The following DVL1 variants were observed in gnomAD, a reference collection of about 807,000 sequenced individuals.
DVL1 encodes the protein segment polarity protein dishevelled homolog DVL-1.
DVL1 carries 49 observed loss-of-function variants against 65.0 expected under a neutral mutation model. The ratio of observed to expected loss-of-function variants is 0.75; its 90% CI spans 0.60 to 0.96. The LOEUF is 0.96. Among genes scored for constraint, DVL1 ranks in the 40% least tolerant of loss-of-function variants. The pLI is 0.00. For synonymous variants in DVL1, 608 were observed against 433.9 expected (o/e 1.40, Z -4.99); for missense variants, 1,197 against 1,045.4 (o/e 1.15, Z -2.00).
rs2100719036 is a variant in DVL1, at chr1:1,338,442, C to T, written c.1340-6G>A. On this transcript the variant is annotated splice_polypyrimidine_tract_variant and splice_region_variant and intron_variant, in intron 12 of 14. Coordinates refer to ENST00000378888, the MANE Select transcript of DVL1 (RefSeq NM_001330311.2). ...CCAGTCCACCACGTCCGCCCCTGGC[C>T]GGCACCAGCGGTCAGCCCGCAGCCT... 1 of 1,608,976 alleles carries T rather than the reference C, an allele frequency of 6.2e-7. No individual in the cohort carries two copies. The highest frequency in any genetic ancestry group is 8.5e-7 in the Non-Finnish European group (1 of 1,177,166).
intron 4 of DVL1, 113 bp downstream of exon 4, chr1:1,341,940 C>T (rs1381143909): frequency 1.4e-5 from 20 of 1,455,164 alleles, no homozygotes; most frequent in Non-Finnish European, 1.7e-5. Flanking sequence ...GCCTGTGCCT[C>T]CACCCAAGCA....
rs780925170 is a variant in DVL1 at position 1,342,829 on chromosome 1, A to G, written c.171-71T>C. On this transcript the variant is annotated intron_variant, in intron 1 of 14. Coordinates refer to ENST00000378888, the MANE Select transcript of DVL1 (RefSeq NM_001330311.2). Reference sequence around the variant, plus strand: ...CTGCGGTTCTAGAGGTGAGGCCTGGAGAGCAGGCGCTCCTCCTGCCCACAC... The same window carrying G: ...CTGCGGTTCTAGAGGTGAGGCCTGGGGAGCAGGCGCTCCTCCTGCCCACAC... 65 of 1,470,906 alleles carry G rather than the reference A, an allele frequency of 4.4e-5. No homozygotes were observed. The Middle Eastern group carries it at 5.2e-4, about 12-fold the overall frequency. 91.1% of individuals were successfully genotyped at this position (1,470,906 alleles called of 1,614,324 possible).
chr1:1,345,454 T>C (rs973313053), intron 1 of DVL1, among the ~76,000 whole-genome samples: 5 of 152,144 alleles, frequency 3.3e-5, no homozygotes, highest in African/African-American at 1.2e-4. Context: ...GGGAGGGTGC[T>C]GGAGGCTGGC....
At position 1,341,550 on chromosome 1, in the gene DVL1, GCA is replaced by G. The variant is rs75244934; in HGVS notation, c.605+115_605+116del. On this transcript the variant is annotated intron_variant, in intron 5 of 14. Transcript: ENST00000378888. ...CACAGACATTTGCAGGCACACACATGCACACACACGCACACACGTGCAATGTG... is the reference window on the plus strand; with the variant it reads ...CACAGACATTTGCAGGCACACACATGCACACACGCACACACGTGCAATGTG... 0.17 allele frequency: 217,562 copies of G among 1,298,726 alleles called. 33,254 individuals are homozygous for G. The highest frequency in any genetic ancestry group is 0.85 in the East Asian group (33,665 of 39,654). 80.5% of individuals were successfully genotyped at this position (1,298,726 alleles called of 1,614,324 possible).
Position 1,339,358 on chromosome 1 carries a change from G to C in DVL1, c.1136C>G (p.Thr379Arg). ...CGTGACGGCGCTGGAGCAGGGACTC[G>C]TACCGTAGCGGGGCAGGGCTCCTGT... ...ALTGALPRYG[T>R]SPCSSAVTRT... The change falls in exon 11 of 15, where the codon ACG becomes AGG. Residue 379 changes from threonine (T) to arginine (R), a missense_variant. Coordinates refer to ENST00000378888, the MANE Select transcript of DVL1 (RefSeq NM_001330311.2). The C allele has an allele frequency of 1.3e-6, 2 of 1,548,748 alleles. No individual in the cohort carries two copies. Among genetic ancestry groups the C allele is most frequent in the African/African-American group, 2.7e-5 (2 of 73,110 alleles).
At chr1:1,347,211 C>G (rs998644162) in intron 1 of DVL1, among the ~76,000 whole-genome samples, 8 of 152,118 alleles carry the variant, frequency 5.3e-5, no homozygotes, top group Non-Finnish European at 8.8e-5. Context: ...CCAGCCCTGA[C>G]CTCTGCAGCC....
At position 1,338,526 on chromosome 1, in the gene DVL1, G is replaced by A. The variant is rs1360579082; in HGVS notation, c.1335C>T (p.Val445=). The part of the protein sequence containing the change: ...MWLKITIANA[V]IGADVVDWLY... ...CCCGCGGGGACGGCCACTCACCGAT[G>A]ACGGCATTGGCGATGGTGATCTTGA... The change falls in exon 12 of 15, where the codon GTC becomes GTT. Residue 445 remains valine (V), a synonymous_variant. Transcript: ENST00000378888. 2 of 1,612,528 alleles carry A rather than the reference G, an allele frequency of 1.2e-6. No homozygotes were observed. Among genetic ancestry groups the A allele is most frequent in the East Asian group, 4.5e-5 (2 of 44,880 alleles).
Position 1,340,169 on chromosome 1 carries a change from G to A in DVL1, c.778C>T (p.His260Tyr). ...CCCACGATGCTGATGCCCAGAAAGTGATGTCTTTCTGCAGGAAGAGCCATG... is the reference window on the plus strand; with the variant it reads ...CCCACGATGCTGATGCCCAGAAAGTAATGTCTTTCTGCAGGAAGAGCCATG... ...VTVTLNMERH[H>Y]FLGISIVGQS... The change falls in exon 8 of 15, where the codon CAC (histidine) becomes TAC (tyrosine). Residue 260 changes from histidine to tyrosine, a missense_variant. Transcript: ENST00000378888. 6.2e-7 allele frequency: 1 copy of A among 1,613,722 alleles called. No individual in the cohort carries two copies.
In DVL1 at chr1:1,336,994, AC is replaced by A. The variant is rs941339854; in HGVS notation, c.1715-480del. 3.0e-6 allele frequency: 3 copies of A among 990,098 alleles called. No individual in the cohort carries two copies. The African/African-American group carries it at 5.2e-5, about 17-fold the overall frequency. 61.3% of individuals were successfully genotyped at this position (990,098 alleles called of 1,614,324 possible). ...TGGCTGGCTGGGGACATGCTGAGGG[AC>A]CCCGGGCGGGACCCTGGCTTACCGG... is the stretch of plus-strand genomic sequence containing the variant. On this transcript the variant is annotated intron_variant, in intron 14 of 14. Transcript: ENST00000378888.
At chr1:1,339,841 G>A in intron 8 of DVL1, 29 bp from the exon 9 acceptor site, 2 of 1,566,540 alleles carry the variant, frequency 1.3e-6, no homozygotes, top group Non-Finnish European at 1.7e-6. Flanking sequence ...GGGTGGTGCA[G>A]GCAGGATGTG....
intron 1 of DVL1, among the ~76,000 whole-genome samples, chr1:1,348,214 G>A (rs1277017286): frequency 6.6e-6 from 1 of 152,132 alleles, no homozygotes; most frequent in East Asian, 1.9e-4. Flanking sequence ...GGGTCTCCTC[G>A]CCTGGGACAC....
chr1:1,336,453 G>C lies in DVL1; in HGVS notation c.1777C>G (p.Arg593Gly). The C allele has an allele frequency of 6.4e-7, 1 of 1,571,712 alleles. No homozygotes were observed. The highest frequency in any genetic ancestry group is 8.6e-7 in the Non-Finnish European group (1 of 1,166,658). The stretch of plus-strand genomic sequence containing the variant: ...CCACTGCCCCCAGCTCCCGCCGCCC[G>C]ACGCTCCTTCTCACGGCCCGGGGCC... ...RRAPGREKER[R>G]AAGAGGSGSE... The change falls in exon 15 of 15, where the codon CGG (arginine) becomes GGG (glycine). Residue 593 changes from arginine to glycine, a missense_variant. Coordinates refer to ENST00000378888, the MANE Select transcript of DVL1 (RefSeq NM_001330311.2).
intron 11 of DVL1, 142 bp from the exon 12 acceptor site, chr1:1,338,795 C>T: frequency 7.5e-7 from 1 of 1,327,346 alleles, no homozygotes; most frequent in Non-Finnish European, 1.0e-6. Flanking sequence ...CCCCGGCCCA[C>T]TGCAGGATGC....
intron 4 of DVL1, 76 bp downstream of exon 4, chr1:1,341,977 G>T: frequency 1.4e-6 from 2 of 1,464,674 alleles, no homozygotes; most frequent in Non-Finnish European, 1.8e-6. Context: ...GACAGGAACT[G>T]CTGTAGTAGG....
chr1:1,337,795 A>G lies in DVL1; in HGVS notation c.1714+182T>C, dbSNP rs774057945. ...CCAGAAGGAGCCCACCCAGGGCCCAAGTACACAGCAGGAGCATGGGATTGG... is the reference window on the plus strand; with the variant it reads ...CCAGAAGGAGCCCACCCAGGGCCCAGGTACACAGCAGGAGCATGGGATTGG... On this transcript the variant is annotated intron_variant, in intron 14 of 14. Coordinates refer to ENST00000378888, the MANE Select transcript of DVL1 (RefSeq NM_001330311.2). 3.1e-5 allele frequency: 22 copies of G among 713,760 alleles called. 1 individual carries two copies. Among genetic ancestry groups the G allele is most frequent in the Middle Eastern group, 2.3e-4 (1 of 4,396 alleles). The allele number at this position is 713,760 out of a possible 1,614,324, so 44.2% of individuals were successfully genotyped here.
Position 1,338,602 on chromosome 1 carries a change from C to G in DVL1, c.1259G>C (p.Arg420Pro). The change falls in exon 12 of 15, where the codon CGG (arginine) becomes CCG (proline). Residue 420 changes from arginine (R) to proline (P), a missense_variant. Physicochemically the swap from Arg to Pro is moderately radical, Grantham distance 103 (BLOSUM62 -2). Coordinates refer to ENST00000378888, the MANE Select transcript of DVL1 (RefSeq NM_001330311.2). ...TCCCGAGTCTGGCAGCTGCATGACC[C>G]GGACGACGGCGCTCATGTCACTCTT... ...TVKSDMSAVV[R>P]VMQLPDSGLE... The G allele has an allele frequency of 6.2e-7, 1 of 1,612,138 alleles. No individual in the cohort carries two copies. Among genetic ancestry groups the G allele is most frequent in the Non-Finnish European group, 8.5e-7 (1 of 1,179,860 alleles).
Position 1,335,983 on chromosome 1 carries a change from G to T in DVL1, c.*159C>A. 2 of 975,896 alleles carry T rather than the reference G, an allele frequency of 2.0e-6. No individual in the cohort carries two copies. Among genetic ancestry groups the T allele is most frequent in the Non-Finnish European group, 3.0e-6 (2 of 672,470 alleles). 60.5% of individuals were successfully genotyped at this position (975,896 alleles called of 1,614,324 possible). A position where few individuals can be genotyped will look rare whatever the true frequency, so the allele number is the denominator to read the frequency against. ...TGCTCAGACACAGGTGCTGTCAGGA[G>T]CTGGAGCAGCCAGGCTGCCAGGGCA... On this transcript the variant is annotated 3_prime_UTR_variant, in exon 15 of 15. Transcript: ENST00000378888.
Position 1,338,671 on chromosome 1 carries a change from C to A in DVL1, c.1208-18G>T. 6.2e-7 allele frequency: 1 copy of A among 1,603,260 alleles called. No individual in the cohort carries two copies. The highest frequency in any genetic ancestry group is 1.3e-5 in the African/African-American group (1 of 74,994). The stretch of plus-strand genomic sequence containing the variant: ...TTCCAGCTCTGCAAAGCACAGACAG[C>A]CCCGCTTCAGCCCCAGCATCTGAAG... On this transcript the variant is annotated intron_variant, in intron 11 of 14. Transcript: ENST00000378888.
chr1:1,337,553 C>T (rs913844792), intron 14 of DVL1, among the ~76,000 whole-genome samples: 1 of 152,204 alleles, frequency 6.6e-6, no homozygotes, highest in Non-Finnish European at 1.5e-5. Flanking sequence ...TGTCACATGG[C>T]CCATGGCCAC....
Sources: gnomAD v4.1 joint callset for allele counts (sites outside exome capture counted in the v4.1 genomes callset) on GRCh38, gnomAD v4.1.1 for gene constraint, MANE v1.5 for transcripts, NCBI Gene and HGNC (gene_info 2026-07-23, HGNC 2026-07-21) for gene names.